Variants in TANC1 observed in about 807,000 individuals in gnomAD.
TANC1 encodes the protein protein TANC1.
In TANC1, 77 loss-of-function variants were observed where a neutral mutation model predicts 149.7. That is an observed-to-expected ratio of 0.51 (90% CI 0.43 to 0.62). The LOEUF is 0.62. TANC1 is among the 20% of genes least tolerant of loss of function. The pLI, the probability that TANC1 is intolerant of heterozygous loss-of-function variation, is 0.00. For missense variants in TANC1, 1,985 were observed against 2,321.8 expected (o/e 0.85, Z 2.98); for synonymous variants, 854 against 925.0 (o/e 0.92, Z 1.39).
At chr2:159,178,523 A>G (rs1033411931) in intron 13 of TANC1, 33 bp from the exon 14 acceptor site, 10 of 1,529,084 alleles carry the variant, frequency 6.5e-6, no homozygotes, top group Non-Finnish European at 8.8e-6. Context: ...ATCTCTTTAG[A>G]GTGACACTGT....
chr2:159,179,499 A>G (rs907588102), intron 14 of TANC1, among the ~76,000 whole-genome samples: 2 of 151,940 alleles, frequency 1.3e-5, no homozygotes, highest in African/African-American at 4.8e-5. Flanking sequence ...AGGATCATGC[A>G]TGGGAATGTG....
chr2:159,207,314 T>TG (rs1004887156), intron 19 of TANC1, among the ~76,000 whole-genome samples: 4 of 152,244 alleles, frequency 2.6e-5, no homozygotes, highest in African/African-American at 9.6e-5. Context: ...AAGCACTTTC[T>TG]GGTACTTTCA....
At chr2:159,092,533 G>A (rs564881000) in intron 3 of TANC1, among the ~76,000 whole-genome samples, 9 of 152,202 alleles carry the variant, frequency 5.9e-5, no homozygotes, top group Admixed American at 2.0e-4. Context: ...AATTTAAAAC[G>A]CCTTATTGGA....
chr2:159,156,426 C>A (rs963297744), intron 7 of TANC1, among the ~76,000 whole-genome samples: 6 of 152,182 alleles, frequency 3.9e-5, no homozygotes, highest in Admixed American at 3.3e-4. Flanking sequence ...TAGTTGGATT[C>A]TTCAGGCTGT....
At chr2:159,187,144 A>G (rs1017653731) in intron 16 of TANC1, 120 bp downstream of exon 16, 8 of 1,177,504 alleles carry the variant, frequency 6.8e-6, no homozygotes, top group Non-Finnish European at 9.4e-6. Flanking sequence ...AGGAGCTTCT[A>G]AAGATGTGCT....
At chr2:159,023,367 G>C (rs904867111) in intron 2 of TANC1, among the ~76,000 whole-genome samples, 11 of 151,004 alleles carry the variant, frequency 7.3e-5, no homozygotes, top group Non-Finnish European at 1.5e-4. Flanking sequence ...TTTTGAGGCA[G>C]AGTCTCGCTC....
At chr2:159,042,671 G>A (rs55940729) in intron 2 of TANC1, among the ~76,000 whole-genome samples, 1 of 152,050 alleles carries the variant, frequency 6.6e-6, no homozygotes, top group South Asian at 2.1e-4. Flanking sequence ...TTCCGTGGGG[G>A]GTGGTGTGGG....
chr2:159,168,252 A>G (rs2054809985), intron 8 of TANC1, among the ~76,000 whole-genome samples: 2 of 151,172 alleles, frequency 1.3e-5, no homozygotes, highest in Non-Finnish European at 2.9e-5. Flanking sequence ...ATTTTGCGGT[A>G]GTTGTTTTTG....
chr2:159,149,462 AGAAGCAGAAC>A, intron 6 of TANC1, 190 bp downstream of exon 6: 2 of 717,844 alleles, frequency 2.8e-6, no homozygotes, highest in Non-Finnish European at 4.7e-6. Flanking sequence ...AAAAGCAGAA[AGAAGCAGAAC>A]GTAAGAAAAT....
In TANC1 at chr2:159,178,670, G is replaced by A. The variant is rs1333830592; in HGVS notation, c.2017G>A (p.Asp673Asn). The A allele has an allele frequency of 6.2e-7, 1 of 1,614,048 alleles. No homozygotes were observed. The highest frequency in any genetic ancestry group is 8.5e-7 in the Non-Finnish European group (1 of 1,180,044). Reference protein sequence around the residue: ...YVQHRVHSSQDILSNISLNGK... With the variant: ...YVQHRVHSSQNILSNISLNGK... The stretch of plus-strand genomic sequence containing the variant: ...CCAGCACAGGGTGCACAGCAGCCAG[G>A]ACATCCTCAGCAACATCTCCCTGAA... Residue 673 changes from aspartate (D) to asparagine (N), a missense_variant, in exon 14 of 27, where the codon GAC (aspartate) becomes AAC (asparagine). By Grantham distance (23) the Asp-to-Asn change is conservative (BLOSUM62 1). Transcript: ENST00000263635.
At chr2:159,120,931 G>A (rs555367260) in intron 4 of TANC1, among the ~76,000 whole-genome samples, 1 of 152,030 alleles carries the variant, frequency 6.6e-6, no homozygotes, top group East Asian at 1.9e-4. Context: ...CGGCAGTTGA[G>A]GCCCACCTAG....
intron 19 of TANC1, among the ~76,000 whole-genome samples, chr2:159,208,612 C>T (rs1408620961): frequency 6.6e-6 from 1 of 152,184 alleles, no homozygotes; most frequent in Non-Finnish European, 1.5e-5. Context: ...CACATTTTTC[C>T]ATGATGCTTG....
intron 2 of TANC1, chr2:159,003,953 A>G: frequency 1.2e-6 from 2 of 1,612,726 alleles, no homozygotes; most frequent in Non-Finnish European, 8.5e-7. Context: ...AGCTGATGAC[A>G]AAAAGCTTCA....
intron 2 of TANC1, chr2:159,056,840 C>T (rs778222355): frequency 3.8e-5 from 13 of 339,678 alleles, no homozygotes; most frequent in African/African-American, 6.3e-5. Context: ...ATATCACATC[C>T]AGCCATTGGC....
At chr2:159,132,438 G>A (rs540502740) in intron 4 of TANC1, among the ~76,000 whole-genome samples, 44 of 152,092 alleles carry the variant, frequency 2.9e-4, no homozygotes, top group African/African-American at 9.6e-4. Context: ...ATTAAGGCCC[G>A]AGTTAGGGGA....
At chr2:159,122,701 C>T (rs1276500286) in intron 4 of TANC1, among the ~76,000 whole-genome samples, 3 of 151,670 alleles carry the variant, frequency 2.0e-5, no homozygotes, top group Non-Finnish European at 2.9e-5. Context: ...TGGCTTCTTT[C>T]GCTTAGCCTA....
At chr2:159,029,963 A>G (rs2039651929) in intron 2 of TANC1, among the ~76,000 whole-genome samples, 1 of 152,196 alleles carries the variant, frequency 6.6e-6, no homozygotes, top group Non-Finnish European at 1.5e-5. Flanking sequence ...TGCTGGGATT[A>G]TAGGTGTGAG....
intron 2 of TANC1, among the ~76,000 whole-genome samples, chr2:159,040,946 G>T (rs778769305): frequency 2.0e-5 from 3 of 152,170 alleles, no homozygotes; most frequent in Non-Finnish European, 4.4e-5. Flanking sequence ...TGGGGTTTTG[G>T]TGTGGATGTC....
chr2:159,187,265 T>G (rs1368211204), intron 16 of TANC1, among the ~76,000 whole-genome samples: 1 of 152,236 alleles, frequency 6.6e-6, no homozygotes, highest in Non-Finnish European at 1.5e-5. Flanking sequence ...ATGTGGTGAC[T>G]GTTTCACAGC....
Sources: allele counts gnomAD v4.1 joint callset (sites outside exome capture counted in the v4.1 genomes callset), GRCh38; gene constraint gnomAD v4.1.1; transcripts MANE v1.5; gene names NCBI Gene and HGNC (gene_info 2026-07-23, HGNC 2026-07-21).